The following CADM2 variants were observed in gnomAD, a reference collection of about 807,000 sequenced individuals.
The protein encoded by CADM2 is immunoglobulin superfamily member 4D.
In CADM2, 12 loss-of-function variants were observed where a neutral mutation model predicts 49.8. That is an observed-to-expected ratio of 0.24 (90% confidence interval 0.15 to 0.39). CADM2 has a LOEUF of 0.39. CADM2 is among the 10% of genes least tolerant of loss of function. CADM2 has a pLI of 1.00. For missense variants in CADM2, 378 were observed against 492.3 expected (o/e 0.77, Z 2.20); for synonymous variants, 214 against 175.4 (o/e 1.22, Z -1.74).
At chr3:85,374,765 A>G (rs1048385772) in intron 1 of CADM2, among the ~76,000 whole-genome samples, 3 of 152,078 alleles carry the variant, frequency 2.0e-5, no homozygotes, top group Non-Finnish European at 4.4e-5. Flanking sequence ...TTATAAAACC[A>G]TCAGATCTTG....
chr3:84,963,463 A>G (rs538858806), intron 1 of CADM2, among the ~76,000 whole-genome samples: 93 of 152,284 alleles, frequency 6.1e-4, no homozygotes, highest in African/African-American at 2.2e-3. Flanking sequence ...TCATGCATAC[A>G]TGCATACAAG....
intron 1 of CADM2, among the ~76,000 whole-genome samples, chr3:85,692,707 C>T (rs1266220709): frequency 6.6e-6 from 1 of 152,070 alleles, no homozygotes; most frequent in Non-Finnish European, 1.5e-5. Flanking sequence ...GAACTTACTC[C>T]CTGGTTACTC....
chr3:85,214,772 C>A (rs2041881917), intron 1 of CADM2, among the ~76,000 whole-genome samples: 1 of 152,124 alleles, frequency 6.6e-6, no homozygotes, highest in Non-Finnish European at 1.5e-5. Flanking sequence ...CTGGCTACCA[C>A]TGATGTTCAC....
intron 1 of CADM2, among the ~76,000 whole-genome samples, chr3:85,429,417 A>G (rs1226600420): frequency 1.3e-5 from 2 of 152,124 alleles, no homozygotes; most frequent in African/African-American, 4.8e-5. Context: ...AAAGTAATAA[A>G]TATGAGCAAT....
intron 1 of CADM2, among the ~76,000 whole-genome samples, chr3:85,160,394 T>G (rs2040283399): frequency 6.6e-6 from 1 of 152,140 alleles, no homozygotes; most frequent in Non-Finnish European, 1.5e-5. Context: ...ACCAGTTTCT[T>G]ATTGGAAATA....
intron 5 of CADM2, among the ~76,000 whole-genome samples, chr3:85,891,982 A>C (rs538976046): frequency 4.9e-4 from 75 of 152,344 alleles, no homozygotes; most frequent in Non-Finnish European, 7.3e-4. Context: ...AATGTGTTAC[A>C]CAGCAGTATT....
intron 1 of CADM2, among the ~76,000 whole-genome samples, chr3:85,099,926 T>C (rs1312079373): frequency 1.3e-5 from 2 of 152,184 alleles, no homozygotes; most frequent in Non-Finnish European, 2.9e-5. Context: ...ATATCTATCA[T>C]GACTCATTTA....
chr3:85,889,289 T>G (rs6787901), intron 5 of CADM2, among the ~76,000 whole-genome samples: 100,222 of 151,950 alleles, frequency 0.66, 33,650 homozygotes, highest in African/African-American at 0.78. Flanking sequence ...CATTTTCTTG[T>G]CCAGAATATG....
At chr3:85,444,624 C>A (rs1342299368) in intron 1 of CADM2, among the ~76,000 whole-genome samples, 3 of 152,106 alleles carry the variant, frequency 2.0e-5, no homozygotes, top group African/African-American at 7.2e-5. Context: ...TCCCAACCCC[C>A]ATTCCCACAG....
chr3:85,436,212 G>T (rs1159671916), intron 1 of CADM2, among the ~76,000 whole-genome samples: 1 of 152,012 alleles, frequency 6.6e-6, no homozygotes, highest in Non-Finnish European at 1.5e-5. Context: ...CTCATGATTT[G>T]ACTCTCTGTT....
intron 1 of CADM2, among the ~76,000 whole-genome samples, chr3:85,134,152 T>C (rs1054722486): frequency 2.0e-5 from 3 of 152,164 alleles, no homozygotes; most frequent in African/African-American, 7.2e-5. Flanking sequence ...CCGGCTGCTC[T>C]GAGTGCGGGG....
At chr3:85,158,023 C>G (rs187586521) in intron 1 of CADM2, among the ~76,000 whole-genome samples, 4,393 of 152,022 alleles carry the variant, frequency 0.029, 178 homozygotes, top group African/African-American at 0.095. Context: ...ATCAAAAAGT[C>G]GGCGAAGGAC....
intron 3 of CADM2, among the ~76,000 whole-genome samples, chr3:85,820,771 T>A (rs2073507040): frequency 6.6e-6 from 1 of 152,104 alleles, no homozygotes; most frequent in Non-Finnish European, 1.5e-5. Flanking sequence ...AGAGTAGATA[T>A]GTATTATCAG....
At chr3:85,612,724 A>G (rs1293809951) in intron 1 of CADM2, among the ~76,000 whole-genome samples, 1 of 151,806 alleles carries the variant, frequency 6.6e-6, no homozygotes, top group Non-Finnish European at 1.5e-5. Flanking sequence ...ACTTAGTAAT[A>G]TGTTTGTCAT....
intron 5 of CADM2, among the ~76,000 whole-genome samples, chr3:85,911,538 G>GA (rs1298573099): frequency 6.6e-6 from 1 of 152,176 alleles, no homozygotes; most frequent in Non-Finnish European, 1.5e-5. Context: ...AAAATATTCA[G>GA]ATGGCTGTGC....
chr3:85,210,389 A>G (rs998987598), intron 1 of CADM2, among the ~76,000 whole-genome samples: 1 of 151,900 alleles, frequency 6.6e-6, no homozygotes, highest in African/African-American at 2.4e-5. Context: ...ATTTTATTGA[A>G]TATTTTTGCA....
chr3:85,436,386 C>G (rs1414971110), intron 1 of CADM2, among the ~76,000 whole-genome samples: 1 of 152,068 alleles, frequency 6.6e-6, no homozygotes, highest in African/African-American at 2.4e-5. Flanking sequence ...AACTTGACTT[C>G]CTTTCTTCCT....
chr3:85,391,932 T>C (rs2034539247), intron 1 of CADM2, among the ~76,000 whole-genome samples: 1 of 152,098 alleles, frequency 6.6e-6, no homozygotes, highest in African/African-American at 2.4e-5. Context: ...CACTGTGAAT[T>C]TGAGAAAAGA....
At chr3:85,679,324 C>T (rs1462594707) in intron 1 of CADM2, among the ~76,000 whole-genome samples, 2 of 151,990 alleles carry the variant, frequency 1.3e-5, no homozygotes, top group African/African-American at 4.8e-5. Context: ...AAACATCACA[C>T]ATTTGGAGAG....
Sources: allele counts gnomAD v4.1 joint callset (sites outside exome capture counted in the v4.1 genomes callset), GRCh38; gene constraint gnomAD v4.1.1; transcripts MANE v1.5; gene names NCBI Gene and HGNC (gene_info 2026-07-23, HGNC 2026-07-21).